Variants in NELL1 observed in about 807,000 individuals in gnomAD.
NELL1 encodes the protein protein kinase C-binding protein NELL1.
Under a neutral mutation model 107.4 loss-of-function variants are expected in NELL1, and 76 were observed. That is an observed-to-expected ratio of 0.71 (90% confidence interval 0.59 to 0.86). NELL1 has a LOEUF of 0.86. NELL1 is among the 40% of genes least tolerant of loss of function. The probability of loss-of-function intolerance (pLI) is 0.00; values close to 1 mark genes in which losing one functional copy is unlikely to be tolerated. For missense variants in NELL1, 1,024 were observed against 1,005.5 expected (o/e 1.02, Z -0.25); for synonymous variants, 353 against 341.2 (o/e 1.03, Z -0.38).
At chr11:21,093,055 A>G (rs560667759) in intron 12 of NELL1, among the ~76,000 whole-genome samples, 1 of 152,272 alleles carries the variant, frequency 6.6e-6, no homozygotes, top group South Asian at 2.1e-4. Context: ...GAGCTACTGA[A>G]TGTTTACCAT....
At chr11:21,491,255 G>A (rs1293716538) in intron 15 of NELL1, among the ~76,000 whole-genome samples, 2 of 152,124 alleles carry the variant, frequency 1.3e-5, no homozygotes, top group Non-Finnish European at 2.9e-5. Context: ...TGGTGTTTTA[G>A]ACATGAAGTC....
At chr11:21,496,798 C>T (rs1854992042) in intron 15 of NELL1, among the ~76,000 whole-genome samples, 1 of 152,072 alleles carries the variant, frequency 6.6e-6, no homozygotes, top group South Asian at 2.1e-4. Flanking sequence ...TTGTTTTTAA[C>T]TTATTAAGAA....
chr11:20,838,474 ACT>A (rs1254980814), intron 3 of NELL1, among the ~76,000 whole-genome samples: 1 of 151,636 alleles, frequency 6.6e-6, no homozygotes, highest in Non-Finnish European at 1.5e-5. Flanking sequence ...CTATGTGGAA[ACT>A]CTATTTTTGT....
intron 13 of NELL1, among the ~76,000 whole-genome samples, chr11:21,189,281 T>C (rs1294274980): frequency 6.6e-6 from 1 of 151,958 alleles, no homozygotes; most frequent in South Asian, 2.1e-4. Flanking sequence ...CCTTCTGTTA[T>C]GTGCATCTTT....
At chr11:20,798,513 AAC>A (rs1223137041) in intron 3 of NELL1, among the ~76,000 whole-genome samples, 1 of 97,860 alleles carries the variant, frequency 1.0e-5, no homozygotes, top group Admixed American at 1.4e-4. Flanking sequence ...AATTTAAAAA[AAC>A]TCTTCTTTGA....
intron 4 of NELL1, among the ~76,000 whole-genome samples, chr11:20,858,953 A>G (rs1848929787): frequency 6.6e-6 from 1 of 152,194 alleles, no homozygotes; most frequent in Non-Finnish European, 1.5e-5. Context: ...CCCAGGGCAG[A>G]AGGCCTTGGC....
rs1323503584 is a variant in NELL1 at position 20,732,957 on chromosome 11, C to T, written c.185-50723C>T. Among the ~76,000 whole-genome samples, 3 of 152,136 alleles carry T rather than the reference C, an allele frequency of 2.0e-5. No homozygotes were observed. In the East Asian group the frequency reaches 5.8e-4, roughly 29 times the overall value. On this transcript the variant is annotated intron_variant, in intron 2 of 19. Transcript: ENST00000357134. ...CTAGTCTCTACATTTACAGAACTTA[C>T]ATTCTAGTGGATTCAAACCCTCGCT...
At chr11:21,443,028 C>T (rs1211069337) in intron 15 of NELL1, among the ~76,000 whole-genome samples, 1 of 113,212 alleles carries the variant, frequency 8.8e-6, no homozygotes, top group Non-Finnish European at 1.8e-5. Context: ...ATACTACATA[C>T]AGGGTAATTT....
At chr11:21,294,852 GA>G (rs909389218) in intron 14 of NELL1, among the ~76,000 whole-genome samples, 6 of 151,966 alleles carry the variant, frequency 3.9e-5, no homozygotes, top group African/African-American at 1.4e-4. Flanking sequence ...ATCTGCTTTT[GA>G]AAAAAATACT....
At chr11:21,009,552 G>A (rs1326571973) in intron 12 of NELL1, among the ~76,000 whole-genome samples, 1 of 151,876 alleles carries the variant, frequency 6.6e-6, no homozygotes, top group Non-Finnish European at 1.5e-5. Context: ...CATGCAACGT[G>A]GCATTTCTTC....
intron 4 of NELL1, among the ~76,000 whole-genome samples, chr11:20,848,866 G>A (rs989384511): frequency 2.2e-4 from 33 of 152,180 alleles, no homozygotes; most frequent in Admixed American, 3.3e-4. Context: ...CCATCTTGAG[G>A]TGAGTCTTGG....
intron 4 of NELL1, among the ~76,000 whole-genome samples, chr11:20,863,221 C>A (rs1452378374): frequency 4.1e-5 from 6 of 147,902 alleles, no homozygotes; most frequent in Non-Finnish European, 9.0e-5. Context: ...CGCAGCCGGG[C>A]AGAGGCGCCC....
chr11:21,522,141 G>A (rs907103763), intron 15 of NELL1, among the ~76,000 whole-genome samples: 8 of 151,976 alleles, frequency 5.3e-5, no homozygotes, highest in African/African-American at 1.4e-4. Context: ...GGCTGAGGCA[G>A]GAGAATGGCA....
At chr11:20,946,929 C>A (rs533006929) in intron 10 of NELL1, among the ~76,000 whole-genome samples, 2 of 152,332 alleles carry the variant, frequency 1.3e-5, no homozygotes, top group South Asian at 2.1e-4. Context: ...TTATACATAA[C>A]TTCTGAACAT....
chr11:21,388,406 A>G (rs539039981), intron 15 of NELL1, among the ~76,000 whole-genome samples: 2 of 151,984 alleles, frequency 1.3e-5, no homozygotes, highest in South Asian at 2.1e-4. Context: ...GGTAGTGAAG[A>G]GTCATAGGGT....
intron 15 of NELL1, among the ~76,000 whole-genome samples, chr11:21,519,046 T>TC (rs113037284): frequency 1.8e-3 from 278 of 152,296 alleles, no homozygotes; most frequent in African/African-American, 6.5e-3. Context: ...TTGGAATTTT[T>TC]CCCATAAACT....
intron 5 of NELL1, among the ~76,000 whole-genome samples, chr11:20,907,759 T>C (rs965393702): frequency 2.6e-5 from 4 of 152,114 alleles, no homozygotes; most frequent in African/African-American, 9.7e-5. Flanking sequence ...GAAACTATCA[T>C]CAGAGTGAAC....
intron 3 of NELL1, among the ~76,000 whole-genome samples, chr11:20,814,018 T>C (rs1302292995): frequency 2.0e-5 from 3 of 151,998 alleles, no homozygotes; most frequent in Non-Finnish European, 4.4e-5. Context: ...TTTGTAGAGA[T>C]GGAGTCTTGC....
chr11:21,147,881 C>A (rs10833467), intron 13 of NELL1, among the ~76,000 whole-genome samples: 48,786 of 133,888 alleles, frequency 0.36, 8,735 homozygotes, highest in African/African-American at 0.44. Flanking sequence ...GAAAAGATAT[C>A]TTTTTATTTT....
Sources: allele counts gnomAD v4.1 joint callset (sites outside exome capture counted in the v4.1 genomes callset), GRCh38; gene constraint gnomAD v4.1.1; transcripts MANE v1.5; gene names NCBI Gene and HGNC (gene_info 2026-07-23, HGNC 2026-07-21).